The following DLG2 variants were observed in gnomAD, a reference collection of about 807,000 sequenced individuals.
DLG2 encodes discs large MAGUK scaffold protein 2, also known as disks large homolog 2.
Under a neutral mutation model 132.5 loss-of-function variants are expected in DLG2, and 45 were observed. The observed-to-expected ratio is 0.34, with a 90% CI of 0.27 to 0.44. The LOEUF is 0.44. Among genes scored for constraint, DLG2 ranks in the 20% least tolerant of loss-of-function variants. The pLI is 1.00. For synonymous variants in DLG2, 424 were observed against 419.6 expected (o/e 1.01, Z -0.13); for missense variants, 1,045 against 1,196.9 (o/e 0.87, Z 1.87).
intron 9 of DLG2, among the ~76,000 whole-genome samples, chr11:84,114,282 G>GTTT (rs2093518904): frequency 6.6e-6 from 1 of 152,038 alleles, no homozygotes; most frequent in Non-Finnish European, 1.5e-5. Context: ...TTTTAGAACT[G>GTTT]TTTTTGTAAA....
intron 14 of DLG2, among the ~76,000 whole-genome samples, chr11:83,956,621 C>T (rs2086930002): frequency 6.6e-6 from 1 of 152,200 alleles, no homozygotes; most frequent in African/African-American, 2.4e-5. Context: ...ACCGCGAGTC[C>T]AGTGAAGGGG....
chr11:84,478,487 A>C (rs907578468), intron 7 of DLG2, among the ~76,000 whole-genome samples: 6 of 152,062 alleles, frequency 3.9e-5, no homozygotes, highest in Admixed American at 1.3e-4. Context: ...ACCAATCCCT[A>C]TTTGTAGGGA....
chr11:84,412,662 C>T (rs1051497219), intron 7 of DLG2, among the ~76,000 whole-genome samples: 49 of 152,284 alleles, frequency 3.2e-4, no homozygotes, highest in Middle Eastern at 3.4e-3. Context: ...GAGCTGAGCA[C>T]CAGCCACCCT....
intron 4 of DLG2, among the ~76,000 whole-genome samples, chr11:85,228,071 T>G (rs955316302): frequency 1.4e-4 from 22 of 152,076 alleles, no homozygotes; most frequent in African/African-American, 5.3e-4. Context: ...TTCTCTTACA[T>G]GTATCACTAC....
At chr11:84,515,774 G>A (rs904740926) in intron 7 of DLG2, among the ~76,000 whole-genome samples, 1 of 151,814 alleles carries the variant, frequency 6.6e-6, no homozygotes, top group African/African-American at 2.4e-5. Flanking sequence ...TCTAACAGCT[G>A]CAGGATATAC....
At chr11:83,486,197 C>T (rs1216710693) in intron 21 of DLG2, 4 of 682,510 alleles carry the variant, frequency 5.9e-6, no homozygotes, top group Non-Finnish European at 1.1e-5. Flanking sequence ...AATATTCTTG[C>T]ATCACTCCAG....
chr11:83,847,091 T>C (rs1330856890), intron 16 of DLG2, among the ~76,000 whole-genome samples: 1 of 151,792 alleles, frequency 6.6e-6, no homozygotes, highest in Non-Finnish European at 1.5e-5. Context: ...TAAAGATAAG[T>C]TAATTATAAA....
chr11:85,381,523 T>G (rs1343619216), intron 3 of DLG2, among the ~76,000 whole-genome samples: 1 of 151,990 alleles, frequency 6.6e-6, no homozygotes, highest in Non-Finnish European at 1.5e-5. Flanking sequence ...GAAAAAGAAA[T>G]CAAAGTCATC....
chr11:83,549,348 CTG>C (rs1466792763), intron 19 of DLG2, among the ~76,000 whole-genome samples: 1 of 152,116 alleles, frequency 6.6e-6, no homozygotes, highest in Non-Finnish European at 1.5e-5. Context: ...CTGATTGTCA[CTG>C]AGAAAATAAG....
At chr11:84,697,246 T>G (rs531998400) in intron 6 of DLG2, among the ~76,000 whole-genome samples, 1 of 151,594 alleles carries the variant, frequency 6.6e-6, no homozygotes, top group South Asian at 2.1e-4. Context: ...ATTGTTTGAC[T>G]ATAGCTAGAT....
At chr11:85,513,689 T>C (rs758115554) in intron 3 of DLG2, among the ~76,000 whole-genome samples, 1 of 151,966 alleles carries the variant, frequency 6.6e-6, no homozygotes, top group Non-Finnish European at 1.5e-5. Context: ...ACCCCACCTT[T>C]CTTTAGGCTC....
intron 3 of DLG2, among the ~76,000 whole-genome samples, chr11:85,360,341 AG>A (rs2084050498): frequency 6.6e-6 from 1 of 152,138 alleles, no homozygotes; most frequent in Non-Finnish European, 1.5e-5. Context: ...CCTCACCTGT[AG>A]GAGGAGAATA....
At chr11:84,656,354 A>G (rs1565576837) in intron 6 of DLG2, among the ~76,000 whole-genome samples, 1 of 152,208 alleles carries the variant, frequency 6.6e-6, no homozygotes, top group Non-Finnish European at 1.5e-5. Context: ...AAATCACCAT[A>G]TAAAACATAG....
chr11:83,859,916 G>A (rs1409476526), intron 16 of DLG2, among the ~76,000 whole-genome samples: 1 of 152,112 alleles, frequency 6.6e-6, no homozygotes, highest in Non-Finnish European at 1.5e-5. Context: ...GACTAAAAGG[G>A]GCCAAGGTAG....
chr11:84,017,909 G>T (rs2095262751), intron 11 of DLG2, among the ~76,000 whole-genome samples: 3 of 152,018 alleles, frequency 2.0e-5, no homozygotes, highest in South Asian at 4.1e-4. Flanking sequence ...TGTTTCTGAT[G>T]AGAAGTCAGG....
intron 6 of DLG2, among the ~76,000 whole-genome samples, chr11:84,801,792 A>G (rs2075409598): frequency 6.6e-6 from 1 of 152,202 alleles, no homozygotes; most frequent in Admixed American, 6.5e-5. Context: ...ATGATTACAG[A>G]TCCAATAAAG....
chr11:83,570,534 A>G (rs2096780416), intron 19 of DLG2, among the ~76,000 whole-genome samples: 1 of 152,168 alleles, frequency 6.6e-6, no homozygotes, highest in Admixed American at 6.6e-5. Context: ...TTTATTCTGA[A>G]GCACTTCAGA....
chr11:83,840,763 T>A (rs773573333), intron 16 of DLG2, among the ~76,000 whole-genome samples: 5 of 152,230 alleles, frequency 3.3e-5, no homozygotes, highest in Non-Finnish European at 7.3e-5. Flanking sequence ...ACTGCCAGTG[T>A]GAGACTCTGC....
chr11:85,577,700 TA>T (rs745561401), intron 3 of DLG2, among the ~76,000 whole-genome samples: 1 of 152,026 alleles, frequency 6.6e-6, no homozygotes, highest in Non-Finnish European at 1.5e-5. Flanking sequence ...GTACAGAGTA[TA>T]ATTTTTTTAA....
Sources: allele counts gnomAD v4.1 joint callset (sites outside exome capture counted in the v4.1 genomes callset), GRCh38; gene constraint gnomAD v4.1.1; transcripts MANE v1.5; gene names NCBI Gene and HGNC (gene_info 2026-07-23, HGNC 2026-07-21).